Variants in RAD51B observed in about 807,000 individuals in gnomAD.
The protein encoded by RAD51B is DNA repair protein RAD51 homolog 2.
Under a neutral mutation model 42.2 loss-of-function variants are expected in RAD51B, and 38 were observed. The ratio of observed to expected loss-of-function variants is 0.90; its 90% confidence interval spans 0.70 to 1.18. The LOEUF is 1.18. RAD51B is among the 50% of genes most tolerant of loss of function. The probability of loss-of-function intolerance (pLI) is 0.00; values close to 1 mark genes in which losing one functional copy is unlikely to be tolerated. For synonymous variants in RAD51B, 154 were observed against 145.2 expected (o/e 1.06, Z -0.43); for missense variants, 373 against 400.7 (o/e 0.93, Z 0.59).
At chr14:68,445,790 T>C (rs2085406276) in intron 9 of RAD51B, among the ~76,000 whole-genome samples, 1 of 152,234 alleles carries the variant, frequency 6.6e-6, no homozygotes, top group Non-Finnish European at 1.5e-5. Flanking sequence ...AAGACTTTTC[T>C]AAAGTCATGA....
chr14:68,220,682 T>A (rs1451208185), intron 7 of RAD51B, among the ~76,000 whole-genome samples: 1 of 152,192 alleles, frequency 6.6e-6, no homozygotes, highest in South Asian at 2.1e-4. Context: ...TATTTGCCAA[T>A]GATATGATGG....
intron 10 of RAD51B, among the ~76,000 whole-genome samples, chr14:68,494,324 A>G (rs1163865658): frequency 2.7e-5 from 4 of 150,816 alleles, no homozygotes; most frequent in Non-Finnish European, 5.9e-5. Context: ...GTACTGCTCT[A>G]TTAGAAAAAG....
downstream of RAD51B, among the ~76,000 whole-genome samples, chr14:68,596,571 G>A (rs550975149): frequency 3.3e-5 from 5 of 152,296 alleles, no homozygotes; most frequent in South Asian, 6.2e-4. Flanking sequence ...TCATAGGACC[G>A]TGTTCCCCAT....
chr14:68,126,551 T>C (rs959594120), intron 7 of RAD51B, among the ~76,000 whole-genome samples: 1 of 151,308 alleles, frequency 6.6e-6, no homozygotes, highest in Non-Finnish European at 1.5e-5. Flanking sequence ...TTGATCAGCA[T>C]GAGATTGCTG....
At chr14:68,618,846 C>G (rs995401228) in intron 10 of RAD51B, among the ~76,000 whole-genome samples, 2 of 152,178 alleles carry the variant, frequency 1.3e-5, no homozygotes, top group Non-Finnish European at 2.9e-5. Flanking sequence ...ACCTTCCCTA[C>G]CTTTTTTTTT....
intron 7 of RAD51B, among the ~76,000 whole-genome samples, chr14:67,905,148 C>T (rs1003282270): frequency 6.6e-6 from 1 of 152,070 alleles, no homozygotes; most frequent in Non-Finnish European, 1.5e-5. Context: ...GTTATCCCAG[C>T]ACCATTTATT....
At chr14:68,553,848 A>G (rs184441093) in intron 10 of RAD51B, among the ~76,000 whole-genome samples, 124 of 152,348 alleles carry the variant, frequency 8.1e-4, no homozygotes, top group African/African-American at 2.8e-3. Flanking sequence ...TAAGATTGCT[A>G]TAACACATAA....
chr14:67,943,877 A>G (rs749645909), intron 7 of RAD51B, among the ~76,000 whole-genome samples: 1 of 152,190 alleles, frequency 6.6e-6, no homozygotes, highest in Non-Finnish European at 1.5e-5. Flanking sequence ...CTCAGATACT[A>G]GCATGTGGGT....
chr14:67,927,403 T>C (rs925776986), intron 7 of RAD51B, among the ~76,000 whole-genome samples: 4 of 150,852 alleles, frequency 2.7e-5, no homozygotes, highest in African/African-American at 7.3e-5. Flanking sequence ...GTGTAGTCAC[T>C]GTGGTCTGCT....
intron 7 of RAD51B, among the ~76,000 whole-genome samples, chr14:68,270,310 A>C (rs2081080752): frequency 6.6e-6 from 1 of 152,224 alleles, no homozygotes; most frequent in African/African-American, 2.4e-5. Flanking sequence ...AAAGCACCAA[A>C]ATTCAGTGTC....
At chr14:68,196,419 A>G (rs1032258470) in intron 7 of RAD51B, among the ~76,000 whole-genome samples, 1 of 152,060 alleles carries the variant, frequency 6.6e-6, no homozygotes, top group Non-Finnish European at 1.5e-5. Flanking sequence ...ATGGCCTACA[A>G]AGTCCTGCAT....
At chr14:68,035,890 G>GAA (rs2076113598) in intron 7 of RAD51B, among the ~76,000 whole-genome samples, 2 of 152,124 alleles carry the variant, frequency 1.3e-5, no homozygotes, top group Admixed American at 1.3e-4. Flanking sequence ...TATCTGTTCG[G>GAA]AAGTCATAAT....
intron 10 of RAD51B, among the ~76,000 whole-genome samples, chr14:68,509,963 A>G (rs1389159647): frequency 1.3e-5 from 2 of 152,204 alleles, no homozygotes; most frequent in Non-Finnish European, 2.9e-5. Flanking sequence ...GAGGCCTCTG[A>G]TAGTCCAGAT....
intron 8 of RAD51B, among the ~76,000 whole-genome samples, chr14:68,386,956 G>T (rs538096733): frequency 4.1e-4 from 63 of 152,332 alleles, no homozygotes; most frequent in African/African-American, 1.5e-3. Flanking sequence ...TCCTTTGTGA[G>T]TCTGGACCTA....
intron 7 of RAD51B, among the ~76,000 whole-genome samples, chr14:68,260,894 G>A (rs1173831291): frequency 6.6e-6 from 1 of 152,158 alleles, no homozygotes; most frequent in Non-Finnish European, 1.5e-5. Flanking sequence ...GATATACTTA[G>A]ATAATAAGGT....
chr14:67,829,978 A>G (rs2040977819), intron 3 of RAD51B, among the ~76,000 whole-genome samples: 1 of 152,358 alleles, frequency 6.6e-6, no homozygotes, highest in African/African-American at 2.4e-5. Context: ...AAAGATGAAT[A>G]GGTGAGAGAT....
intron 10 of RAD51B, among the ~76,000 whole-genome samples, chr14:68,618,483 A>G (rs1395271867): frequency 6.6e-6 from 1 of 152,024 alleles, no homozygotes; most frequent in Non-Finnish European, 1.5e-5. Context: ...GACCCTTTGG[A>G]TTTAGGGAGG....
At chr14:67,864,797 T>C in intron 4 of RAD51B, 1 of 815,360 alleles carries the variant, frequency 1.2e-6, no homozygotes, top group Non-Finnish European at 2.0e-6. Context: ...GGATGGTACA[T>C]AACTAGTGCC....
intron 8 of RAD51B, among the ~76,000 whole-genome samples, chr14:68,383,392 A>G (rs181989867): frequency 6.6e-6 from 1 of 152,150 alleles, no homozygotes; most frequent in Non-Finnish European, 1.5e-5. Context: ...CCTACAATAA[A>G]CAGGATGGTC....
Sources: gnomAD v4.1 joint callset for allele counts (sites outside exome capture counted in the v4.1 genomes callset) on GRCh38, gnomAD v4.1.1 for gene constraint, MANE v1.5 for transcripts, NCBI Gene and HGNC (gene_info 2026-07-23, HGNC 2026-07-21) for gene names.